Variants in THADA observed in about 807,000 individuals in gnomAD.
THADA encodes THADA armadillo repeat containing, also known as tRNA (32-2'-O)-methyltransferase regulator THADA.
Under a neutral mutation model 219.8 loss-of-function variants are expected in THADA, and 213 were observed. The ratio of observed to expected loss-of-function variants is 0.97; its 90% CI spans 0.87 to 1.09. The LOEUF (loss-of-function observed/expected upper bound fraction) is 1.09. Among genes scored for constraint, THADA ranks in the 50% least tolerant of loss-of-function variants. The pLI is 0.00. For missense variants in THADA, 2,956 were observed against 2,311.3 expected, an observed-to-expected ratio of 1.28 and a Z score of -5.72; for synonymous variants, 1,018 against 828.9, an observed-to-expected ratio of 1.23 and a Z score of -3.92.
At chr2:43,314,072 A>G (rs1358118663) in intron 31 of THADA, among the ~76,000 whole-genome samples, 1 of 152,200 alleles carries the variant, frequency 6.6e-6, no homozygotes, top group Non-Finnish European at 1.5e-5. Flanking sequence ...CCCTACAAAC[A>G]AGGAGGATGA....
intron 29 of THADA, among the ~76,000 whole-genome samples, chr2:43,363,470 G>A (rs1669755565): frequency 6.6e-6 from 1 of 152,164 alleles, no homozygotes; most frequent in Non-Finnish European, 1.5e-5. Context: ...TATGTAGAAC[G>A]AATCATATCT....
chr2:43,578,453 A>C (rs1483526682), intron 9 of THADA, 60 bp downstream of exon 9: 1 of 1,435,196 alleles, frequency 7.0e-7, no homozygotes, highest in Non-Finnish European at 9.7e-7. Flanking sequence ...AGCCAAAATT[A>C]TTTTTTAAAC....
intron 26 of THADA, among the ~76,000 whole-genome samples, chr2:43,463,744 A>T (rs1465433697): frequency 1.3e-5 from 2 of 152,190 alleles, no homozygotes; most frequent in Non-Finnish European, 2.9e-5. Context: ...CCCTCAAAAA[A>T]TTTTTATTCT....
chr2:43,255,309 G>A (rs1670194971), intron 36 of THADA, among the ~76,000 whole-genome samples: 1 of 152,166 alleles, frequency 6.6e-6, no homozygotes, highest in African/African-American at 2.4e-5. Flanking sequence ...TATGAACACA[G>A]AAAACTGTTC....
At chr2:43,377,828 G>C (rs903412251) in intron 29 of THADA, among the ~76,000 whole-genome samples, 1 of 152,104 alleles carries the variant, frequency 6.6e-6, no homozygotes, top group Non-Finnish European at 1.5e-5. Context: ...GGGACTGCCA[G>C]GAAAAACTGT....
intron 10 of THADA, among the ~76,000 whole-genome samples, 192 bp from the exon 11 acceptor site, chr2:43,575,219 T>G (rs1332395554): frequency 6.6e-6 from 1 of 152,200 alleles, no homozygotes; most frequent in African/African-American, 2.4e-5. Context: ...TCTTTTTACC[T>G]TGTAAAAAAT....
chr2:43,443,262 G>C (rs946577488), intron 26 of THADA, among the ~76,000 whole-genome samples: 1 of 152,160 alleles, frequency 6.6e-6, no homozygotes, highest in Admixed American at 6.5e-5. Context: ...CCTTAAGACA[G>C]GCAAGGAGAA....
At chr2:43,439,623 T>A (rs991708796) in intron 26 of THADA, among the ~76,000 whole-genome samples, 1 of 152,240 alleles carries the variant, frequency 6.6e-6, no homozygotes, top group Non-Finnish European at 1.5e-5. Context: ...TTGTTATAGT[T>A]GTTCTATTTT....
At chr2:43,573,430 A>G (rs922669189) in intron 11 of THADA, among the ~76,000 whole-genome samples, 49 of 152,198 alleles carry the variant, frequency 3.2e-4, no homozygotes, top group Non-Finnish European at 6.3e-4. Flanking sequence ...AAGGAACACA[A>G]AGAGCCTGCT....
chr2:43,535,697 A>AAAAG (rs1694503813), intron 21 of THADA, among the ~76,000 whole-genome samples: 1 of 151,546 alleles, frequency 6.6e-6, no homozygotes. Context: ...AAAAAAAAAA[A>AAAAG]AAAGAAAAAA....
intron 31 of THADA, 147 bp downstream of exon 31, chr2:43,320,299 G>T: frequency 2.0e-6 from 1 of 496,772 alleles, no homozygotes; most frequent in Non-Finnish European, 3.5e-6. Context: ...TTCTATGAGG[G>T]AACTATATGA....
At chr2:43,306,575 C>T (rs1676889122) in intron 31 of THADA, among the ~76,000 whole-genome samples, 1 of 152,124 alleles carries the variant, frequency 6.6e-6, no homozygotes, top group East Asian at 1.9e-4. Flanking sequence ...GCTAGTGCTA[C>T]AATTTAGTTC....
chr2:43,591,841 G>T, intron 3 of THADA, 111 bp downstream of exon 3: 1 of 601,666 alleles, frequency 1.7e-6, no homozygotes, highest in Non-Finnish European at 2.7e-6. Context: ...ATTTGCTAAT[G>T]ATAAACTGAT....
intron 29 of THADA, among the ~76,000 whole-genome samples, chr2:43,378,234 C>T (rs1671608100): frequency 6.6e-6 from 1 of 152,120 alleles, no homozygotes; most frequent in South Asian, 2.1e-4. Flanking sequence ...ACTTATTTCA[C>T]CTGTGTCACT....
chr2:43,487,171 G>C (rs998697917), intron 25 of THADA, among the ~76,000 whole-genome samples: 2 of 152,068 alleles, frequency 1.3e-5, no homozygotes, highest in Admixed American at 1.3e-4. Context: ...CCTCATTCAG[G>C]TCTGGATTAT....
intron 21 of THADA, among the ~76,000 whole-genome samples, chr2:43,537,380 A>T (rs1040458449): frequency 6.6e-6 from 1 of 152,304 alleles, no homozygotes; most frequent in Admixed American, 6.5e-5. Flanking sequence ...TTTTCCCACG[A>T]TATCCTTGTA....
Position 43,398,012 on chromosome 2 carries a change from G to T in THADA, c.4186C>A (p.Gln1396Lys). Residue 1396 changes from glutamine (Q) to lysine (K), a missense_variant, in exon 29 of 38, where the codon CAG becomes AAG. Physicochemically the swap from Gln to Lys is moderately conservative, Grantham distance 53. Coordinates refer to ENST00000405975, the MANE Select transcript of THADA (RefSeq NM_022065.5). Reference sequence around the variant, plus strand: ...TGAATGTGGTTTTGCCGGAAACACTGGTCAGTGCAGCTGGGGAGTGTGGAC... The same window carrying T: ...TGAATGTGGTTTTGCCGGAAACACTTGTCAGTGCAGCTGGGGAGTGTGGAC... ...LLSTLPSCTD[Q>K]CFRQNHIHGT... 1 of 1,613,966 alleles carries T rather than the reference G, an allele frequency of 6.2e-7. No homozygotes were observed. The highest frequency in any genetic ancestry group is 1.1e-5 in the South Asian group (1 of 91,070).
At chr2:43,341,420 T>A (rs1298267367) in intron 30 of THADA, among the ~76,000 whole-genome samples, 1 of 151,728 alleles carries the variant, frequency 6.6e-6, no homozygotes, top group African/African-American at 2.4e-5. Flanking sequence ...ACAGGACAGG[T>A]TTTAAAAGGC....
intron 36 of THADA, among the ~76,000 whole-genome samples, chr2:43,269,747 C>T (rs1671921961): frequency 6.6e-6 from 1 of 152,228 alleles, no homozygotes; most frequent in Admixed American, 6.5e-5. Flanking sequence ...TTCCCCTCAC[C>T]CTCCACTGGT....
Sources: allele counts gnomAD v4.1 joint callset (sites outside exome capture counted in the v4.1 genomes callset), GRCh38; gene constraint gnomAD v4.1.1; transcripts MANE v1.5; gene names NCBI Gene and HGNC (gene_info 2026-07-23, HGNC 2026-07-21).